RNF214: variants seen among roughly 807,000 people sequenced by gnomAD.
RNF214 encodes ring finger protein 214.
RNF214 carries 25 observed loss-of-function variants against 75.9 expected under a neutral mutation model. The ratio of observed to expected loss-of-function variants is 0.33; its 90% CI spans 0.24 to 0.46. The LOEUF (loss-of-function observed/expected upper bound fraction) is 0.46, where lower values mean the gene tolerates loss of function less well. RNF214 is among the 20% of genes least tolerant of loss of function. The probability of loss-of-function intolerance (pLI) is 1.00; values close to 1 mark genes in which losing one functional copy is unlikely to be tolerated. For missense variants in RNF214, 725 were observed against 857.5 expected (o/e 0.85, Z 1.93); for synonymous variants, 314 against 308.8 (o/e 1.02, Z -0.18).
intron 6 of RNF214, among the ~76,000 whole-genome samples, chr11:117,260,634 ATTTC>A (rs2033635365): frequency 6.9e-6 from 1 of 145,554 alleles, no homozygotes; most frequent in African/African-American, 2.5e-5. Flanking sequence ...CCTAGTCTCT[ATTTC>A]TTTTTTTTTT....
chr11:117,236,912 G>A (rs2032926791), intron 2 of RNF214, among the ~76,000 whole-genome samples: 1 of 152,202 alleles, frequency 6.6e-6, no homozygotes, highest in African/African-American at 2.4e-5. Flanking sequence ...GTCTTGTTAG[G>A]TGGATAGTAT....
chr11:117,273,397 C>T (rs1242298329), intron 6 of RNF214, among the ~76,000 whole-genome samples: 1 of 151,758 alleles, frequency 6.6e-6, no homozygotes, highest in Non-Finnish European at 1.5e-5. Context: ...TTATTCCTGG[C>T]AAGCTGTGAA....
chr11:117,269,676 A>T (rs1019216452), intron 6 of RNF214, among the ~76,000 whole-genome samples: 1 of 152,200 alleles, frequency 6.6e-6, no homozygotes, highest in African/African-American at 2.4e-5. Flanking sequence ...TTGGCCTAAC[A>T]AAGGTTGTCT....
intron 6 of RNF214, 58 bp from the exon 7 acceptor site, chr11:117,279,850 A>G (rs1031236005): frequency 4.4e-6 from 6 of 1,349,062 alleles, no homozygotes; most frequent in African/African-American, 2.9e-5. Context: ...TTGCCCTGGT[A>G]TCTCTCAACA....
intron 6 of RNF214, among the ~76,000 whole-genome samples, chr11:117,251,525 G>T (rs2033392071): frequency 8.9e-6 from 1 of 112,338 alleles, no homozygotes; most frequent in African/African-American, 3.1e-5. Flanking sequence ...CCGGGCGGGG[G>T]GCTGACCCCC....
In RNF214 at chr11:117,266,268, C is replaced by T. The variant is rs79126809; in HGVS notation, c.960-13640C>T. Among the ~76,000 whole-genome samples, 1,487 of 152,228 alleles carry T rather than the reference C, an allele frequency of 9.8e-3. 20 individuals are homozygous for T. The highest frequency in any genetic ancestry group is 0.032 in the African/African-American group (1,331 of 41,540). On this transcript the variant is annotated intron_variant, in intron 6 of 14. Transcript: ENST00000300650. ...AGTTTGACTTTGATTTGCCCACATG[C>T]TGTTTTCTTTGTACTTTTCCTGTTT...
rs2034073231 is a variant in RNF214 at position 117,279,052 on chromosome 11, A to G, written c.960-856A>G. On this transcript the variant is annotated intron_variant, in intron 6 of 14. Coordinates refer to ENST00000300650, the MANE Select transcript of RNF214 (RefSeq NM_207343.4). ...GTTGAGGCTGCAGTGAACCAAGGTC[A>G]TAGCACTGTACTCTGGTCTGGGCAA... Among the ~76,000 whole-genome samples, 4 of 152,184 alleles carry G rather than the reference A, an allele frequency of 2.6e-5. No homozygotes were observed. The South Asian group carries it at 8.3e-4, about 32-fold the overall frequency.
intron 6 of RNF214, among the ~76,000 whole-genome samples, chr11:117,275,734 G>A (rs1271767440): frequency 6.6e-6 from 1 of 152,150 alleles, no homozygotes; most frequent in Non-Finnish European, 1.5e-5. Context: ...TAGTTTGATT[G>A]AATCAGTAAT....
intron 6 of RNF214, among the ~76,000 whole-genome samples, chr11:117,263,344 C>T (rs939596059): frequency 1.3e-5 from 2 of 150,384 alleles, no homozygotes; most frequent in African/African-American, 4.9e-5. Context: ...GGTGCAGTCT[C>T]GGCTCACTGC....
chr11:117,282,394 T>C lies in RNF214; in HGVS notation c.1713-10T>C, dbSNP rs765540610. 1 of 1,612,994 alleles carries C rather than the reference T, an allele frequency of 6.2e-7. No individual in the cohort carries two copies. Among genetic ancestry groups the C allele is most frequent in the East Asian group, 2.2e-5 (1 of 44,838 alleles). ...TAGGCTTTCTCTCCCTCAACATTTT[T>C]TTTCCTCAGGGCCCAGATGACCAAC... On this transcript the variant is annotated splice_polypyrimidine_tract_variant and intron_variant, in intron 11 of 14. Transcript: ENST00000300650.
chr11:117,247,189 T>A (rs376431104), intron 6 of RNF214, among the ~76,000 whole-genome samples: 2 of 152,258 alleles, frequency 1.3e-5, no homozygotes, highest in East Asian at 3.9e-4. Flanking sequence ...GTCCCAAGTG[T>A]GGTCAAGAGT....
At chr11:117,279,838 T>A in intron 6 of RNF214, 70 bp from the exon 7 acceptor site, 1 of 1,218,228 alleles carries the variant, frequency 8.2e-7, no homozygotes, top group Non-Finnish European at 1.2e-6. Context: ...TGGGTTGTAC[T>A]TTTGCCCTGG....
intron 13 of RNF214, 128 bp from the exon 14 acceptor site, chr11:117,282,987 G>T: frequency 1.0e-6 from 1 of 980,996 alleles, no homozygotes; most frequent in Non-Finnish European, 1.6e-6. Flanking sequence ...AATATTTTAG[G>T]CAAGAATCTA....
In RNF214 at chr11:117,285,404, T is replaced by C; in HGVS notation, c.*253T>C. On this transcript the variant is annotated 3_prime_UTR_variant, in exon 15 of 15. Transcript: ENST00000300650. Reference sequence around the variant, plus strand: ...GATGCAGATTGTAGGGAAGATGATGTTTAGTTTGGCCTTGAAATTATGATA... The same window carrying C: ...GATGCAGATTGTAGGGAAGATGATGCTTAGTTTGGCCTTGAAATTATGATA... 1 of 340,918 alleles carries C rather than the reference T, an allele frequency of 2.9e-6. No individual in the cohort carries two copies. The highest frequency in any genetic ancestry group is 4.6e-5 in the South Asian group (1 of 21,680). 21.1% of individuals were successfully genotyped at this position (340,918 alleles called of 1,614,324 possible).
At chr11:117,248,225 G>A (rs1391295293) in intron 6 of RNF214, among the ~76,000 whole-genome samples, 1 of 152,042 alleles carries the variant, frequency 6.6e-6, no homozygotes, top group South Asian at 2.1e-4. Flanking sequence ...ACAGGCGCCC[G>A]CCACCATGCC....
intron 6 of RNF214, among the ~76,000 whole-genome samples, chr11:117,276,293 A>G (rs1268746965): frequency 1.3e-5 from 2 of 152,330 alleles, no homozygotes; most frequent in East Asian, 3.9e-4. Flanking sequence ...TGAAGAGAGA[A>G]AAGCTGAAAG....
intron 6 of RNF214, among the ~76,000 whole-genome samples, chr11:117,271,739 C>T (rs2033913815): frequency 6.6e-6 from 1 of 152,164 alleles, no homozygotes; most frequent in South Asian, 2.1e-4. Flanking sequence ...CTCATTAATT[C>T]CTTGTGAAGG....
chr11:117,281,431 A>C, intron 9 of RNF214, 27 bp downstream of exon 9: 1 of 1,547,068 alleles, frequency 6.5e-7, no homozygotes. Context: ...GTCATCATTC[A>C]GTCAGTGTTA....
At chr11:117,263,169 T>TA (rs780120408) in intron 6 of RNF214, among the ~76,000 whole-genome samples, 5 of 152,070 alleles carry the variant, frequency 3.3e-5, no homozygotes, top group Non-Finnish European at 7.4e-5. Flanking sequence ...ACTGTATTGT[T>TA]AGATACACAT....
Sources: allele counts gnomAD v4.1 joint callset (sites outside exome capture counted in the v4.1 genomes callset), GRCh38; gene constraint gnomAD v4.1.1; transcripts MANE v1.5; gene names NCBI Gene and HGNC (gene_info 2026-07-23, HGNC 2026-07-21).